The following HTT variants were observed in gnomAD, a reference collection of about 807,000 sequenced individuals.
The protein encoded by HTT is huntington disease protein.
HTT carries 104 observed loss-of-function variants against 362.3 expected under a neutral mutation model. The ratio of observed to expected loss-of-function variants is 0.29; its 90% confidence interval spans 0.24 to 0.34. HTT has a LOEUF of 0.34. Ranked by LOEUF, HTT falls within the 10% of genes least tolerant of loss-of-function variation. The probability of loss-of-function intolerance (pLI) is 1.00; values close to 1 mark genes in which losing one functional copy is unlikely to be tolerated. For synonymous variants in HTT, 1,577 were observed against 1,548.7 expected, an observed-to-expected ratio of 1.02 and a Z score of -0.43; for missense variants, 3,301 against 3,928.6, an observed-to-expected ratio of 0.84 and a Z score of 4.27.
intron 38 of HTT, 83 bp downstream of exon 38, chr4:3,186,802 A>C: frequency 1.1e-6 from 1 of 904,722 alleles, no homozygotes; most frequent in African/African-American, 1.8e-5. Flanking sequence ...AGAATGTCTG[A>C]GTCAGTCAGT....
At chr4:3,121,201 A>C (rs1213649494) in intron 8 of HTT, 27 bp from the exon 9 acceptor site, 1 of 1,570,684 alleles carries the variant, frequency 6.4e-7, no homozygotes, top group Non-Finnish European at 8.8e-7. Flanking sequence ...AACTCTGACC[A>C]GAACACCTGT....
At position 3,181,492 on chromosome 4, in the gene HTT, C is replaced by T. The variant is rs1288149124; in HGVS notation, c.4749+841C>T. Among the ~76,000 whole-genome samples the T allele has an allele frequency of 3.9e-5, 6 of 152,106 alleles. 1 individual carries two copies. The highest frequency in any genetic ancestry group is 2.6e-4 in the Admixed American group (4 of 15,264). On this transcript the variant is annotated intron_variant, in intron 36 of 66. Transcript: ENST00000355072. Reference sequence around the variant, plus strand: ...AAGACATTTTGAGGAAGGCTGAGTGCAGAAATCTCTCTTTTTAAATGACTT... The same window carrying T: ...AAGACATTTTGAGGAAGGCTGAGTGTAGAAATCTCTCTTTTTAAATGACTT...
chr4:3,236,434 CTTGGACCCCAGCACTCAGGTGTAGCG>C (rs1215054581), intron 64 of HTT, among the ~76,000 whole-genome samples, 180 bp downstream of exon 64: 1 of 152,194 alleles, frequency 6.6e-6, no homozygotes, highest in Non-Finnish European at 1.5e-5. Flanking sequence ...GCTGGTGGTC[CTTGGACCCCAGCACTCAGGTGTAGCG>C]TTGACCAGTT....
chr4:3,105,717 A>C (rs1033215554), intron 5 of HTT, among the ~76,000 whole-genome samples: 13 of 152,226 alleles, frequency 8.5e-5, no homozygotes, highest in African/African-American at 3.1e-4. Context: ...GCTCTGTTGC[A>C]GCCCAGCAGC....
rs544242308 is a variant in HTT, at chr4:3,228,172, G to A, written c.7849-443G>A. ...GTCGAGGTGTGCTGACTGCGTGGTG[G>A]CTGCGTGATCTAGAGCGCGGGTCAC... On this transcript the variant is annotated intron_variant, in intron 57 of 66. Coordinates refer to ENST00000355072, the MANE Select transcript of HTT (RefSeq NM_001388492.1). This position sits in a 1 kb window ranked among gnomAD's most constrained non-coding sequence, Gnocchi z 4.3. Among the ~76,000 whole-genome samples the A allele has an allele frequency of 2.6e-5, 4 of 152,298 alleles. No homozygotes were observed. The South Asian group carries it at 8.3e-4, about 32-fold the overall frequency.
At chr4:3,128,949 C>T (rs1011519158) in intron 12 of HTT, 3 of 152,238 alleles carry the variant, frequency 2.0e-5, no homozygotes, top group African/African-American at 7.2e-5. Context: ...CCGCCAAGTC[C>T]CTGGCAACCA....
At chr4:3,234,262 C>T (rs559771147) in intron 61 of HTT, among the ~76,000 whole-genome samples, 37 of 152,356 alleles carry the variant, frequency 2.4e-4, no homozygotes, top group East Asian at 7.7e-4. Context: ...GCAGGGACAG[C>T]GGCTCATCAG....
intron 29 of HTT, among the ~76,000 whole-genome samples, chr4:3,171,754 G>A (rs1429806418): frequency 3.3e-5 from 5 of 152,188 alleles, no homozygotes; most frequent in Non-Finnish European, 4.4e-5. Flanking sequence ...TGGGATTACA[G>A]GCGTGAGCCA....
intron 9 of HTT, 82 bp from the exon 10 acceptor site, chr4:3,122,807 A>C: frequency 8.9e-7 from 1 of 1,122,496 alleles, no homozygotes; most frequent in Non-Finnish European, 1.3e-6. Context: ...TTTAAAGTTG[A>C]ATCAAGCTGT....
In HTT at chr4:3,125,333, CAT is replaced by C. The variant is rs539379196; in HGVS notation, c.1322-212_1322-211del. 2.2e-4 allele frequency among the ~76,000 whole-genome samples: 34 copies of C among 152,080 alleles called. 1 individual carries two copies. The East Asian group carries it at 6.6e-3, about 29-fold the overall frequency. ...GAGAATCATTGCTTTTAACTTTTTC[CAT>C]ATAGGTTTATTGACTTTAATAGCAT... On this transcript the variant is annotated intron_variant, in intron 10 of 66. Coordinates refer to ENST00000355072, the MANE Select transcript of HTT (RefSeq NM_001388492.1).
chr4:3,117,389 A>G (rs1193080505), intron 8 of HTT, among the ~76,000 whole-genome samples: 1 of 152,132 alleles, frequency 6.6e-6, no homozygotes, highest in Admixed American at 6.5e-5. Context: ...CACACATACA[A>G]AAGTATCAAC....
intron 59 of HTT, among the ~76,000 whole-genome samples, chr4:3,229,295 GCAT>G (rs1721096966): frequency 1.5e-5 from 1 of 68,678 alleles, no homozygotes; most frequent in African/African-American, 5.9e-5. Flanking sequence ...CACTCCACAT[GCAT>G]GCACCACACA....
chr4:3,238,695 C>T, intron 65 of HTT, 86 bp downstream of exon 65: 1 of 1,471,262 alleles, frequency 6.8e-7, no homozygotes, highest in Non-Finnish European at 9.3e-7. Flanking sequence ...GCCAGCAGAG[C>T]CCAGCTCCTC....
In HTT at chr4:3,187,798, A is replaced by G. The variant is rs776580135; in HGVS notation, c.5137A>G (p.Arg1713Gly). The G allele has an allele frequency of 1.9e-6, 3 of 1,612,978 alleles. No individual in the cohort carries two copies. The highest frequency in any genetic ancestry group is 2.2e-5 in the South Asian group (2 of 91,072). ...TTTAATCTCCTGTACAGTAATTAAT[A>G]GGTTAAGAGATGGGGACAGTACTTC... The part of the protein sequence containing the change: ...PYLISCTVIN[R>G]LRDGDSTSTL... Residue 1713 changes from arginine (R) to glycine (G), a missense_variant, in exon 39 of 67, where the codon AGG (arginine) becomes GGG (glycine). Arg to Gly is a moderately radical substitution (Grantham distance 125). This residue lies in a region of HTT where 2,316 missense variants were observed against 2,658.5 expected (regional missense o/e 0.87). Transcript: ENST00000355072.
At position 3,206,922 on chromosome 4, in the gene HTT, C is replaced by T. The variant is rs1213883484; in HGVS notation, c.6014C>T (p.Ala2005Val). ...RLLCTPFRVL[A>V]RMVDILACRR... ...CTGTGCACCCCTTTCCGTGTGCTGG[C>T]TCGCATGGTCGACATCCTTGCTTGT... The change falls in exon 44 of 67, where the codon GCT becomes GTT. Residue 2005 changes from alanine to valine, a missense_variant. By Grantham distance (64) the Ala-to-Val change is moderately conservative (BLOSUM62 0). Around this residue, in one of 4 missense-constraint regions of HTT, gnomAD observed 2,316 missense variants for 2,658.5 expected, o/e 0.87. Transcript: ENST00000355072. This position sits in a 1 kb window ranked among gnomAD's most constrained non-coding sequence, Gnocchi z 4.6. 1 of 1,614,012 alleles carries T rather than the reference C, an allele frequency of 6.2e-7. No homozygotes were observed. Among genetic ancestry groups the T allele is most frequent in the Non-Finnish European group, 8.5e-7 (1 of 1,180,024 alleles).
chr4:3,162,517 G>A (rs1156743392), intron 29 of HTT, among the ~76,000 whole-genome samples: 3 of 152,210 alleles, frequency 2.0e-5, no homozygotes, highest in Non-Finnish European at 4.4e-5. Flanking sequence ...ACTTTGGGCA[G>A]CAAGGCCATT....
At chr4:3,190,683 G>A (rs1718973629) in intron 40 of HTT, among the ~76,000 whole-genome samples, 1 of 152,214 alleles carries the variant, frequency 6.6e-6, no homozygotes, top group African/African-American at 2.4e-5. Context: ...GCGAGATCGA[G>A]ACCATGTCTC....
intron 2 of HTT, among the ~76,000 whole-genome samples, chr4:3,087,995 C>T (rs957427142): frequency 2.0e-5 from 3 of 151,972 alleles, no homozygotes; most frequent in Admixed American, 1.3e-4. Context: ...GAGTTACAGG[C>T]ATGTGCTACT....
At chr4:3,210,383 A>T (rs1720094421) in intron 47 of HTT, among the ~76,000 whole-genome samples, 1 of 152,252 alleles carries the variant, frequency 6.6e-6, no homozygotes, top group South Asian at 2.1e-4. Context: ...ACAGTGTCGT[A>T]ATGCGTGACG....
Sources: gnomAD v4.1 joint callset for allele counts (sites outside exome capture counted in the v4.1 genomes callset) on GRCh38, gnomAD v4.1.1 for gene constraint, gnomAD v4.1.1 regional missense constraint, Gnocchi (gnomAD v3.1) non-coding constraint, MANE v1.5 for transcripts, NCBI Gene and HGNC (gene_info 2026-07-23, HGNC 2026-07-21) for gene names.